MICU1: variants seen among roughly 807,000 people sequenced by gnomAD.
MICU1 encodes calcium uptake protein 1, mitochondrial.
In MICU1, 45 loss-of-function variants were observed where a neutral mutation model predicts 56.8. The observed-to-expected ratio is 0.79, with a 90% CI of 0.62 to 1.02. The LOEUF is 1.02. Ranked by LOEUF, MICU1 falls within the 50% of genes least tolerant of loss-of-function variation. MICU1 has a pLI of 0.00. For missense variants in MICU1, 504 were observed against 587.1 expected (o/e 0.86, Z 1.46); for synonymous variants, 186 against 195.1 (o/e 0.95, Z 0.39).
chr10:72,501,110 A>G (rs919466154), intron 6 of MICU1, among the ~76,000 whole-genome samples: 2 of 152,144 alleles, frequency 1.3e-5, no homozygotes, highest in African/African-American at 4.8e-5. Flanking sequence ...TTTATTAATG[A>G]GTAGTTATCT....
chr10:72,601,332 G>A (rs1841526909), intron 1 of MICU1, among the ~76,000 whole-genome samples: 1 of 151,478 alleles, frequency 6.6e-6, no homozygotes, highest in Non-Finnish European at 1.5e-5. Context: ...GCTGAGGTGG[G>A]ACGATCACTT....
intron 1 of MICU1, among the ~76,000 whole-genome samples, chr10:72,625,698 T>C (rs1842211007): frequency 6.6e-6 from 1 of 152,042 alleles, no homozygotes; most frequent in South Asian, 2.1e-4. Flanking sequence ...CAGTCGCCTG[T>C]GAGGAGGGGG....
At chr10:72,441,258 A>G (rs1267362528) in intron 8 of MICU1, among the ~76,000 whole-genome samples, 1 of 152,122 alleles carries the variant, frequency 6.6e-6, no homozygotes, top group Non-Finnish European at 1.5e-5. Context: ...AGGGACATGG[A>G]TGAAGCTGGA....
chr10:72,418,166 A>G (rs555687085), intron 9 of MICU1, among the ~76,000 whole-genome samples: 2 of 152,320 alleles, frequency 1.3e-5, no homozygotes, highest in South Asian at 4.1e-4. Context: ...CTCCCAGGAC[A>G]TATGGGGATT....
At chr10:72,573,039 A>G (rs1345194098) in intron 1 of MICU1, among the ~76,000 whole-genome samples, 3 of 152,134 alleles carry the variant, frequency 2.0e-5, no homozygotes, top group Non-Finnish European at 4.4e-5. Context: ...ATAGCAAAAC[A>G]CTAAGAACTA....
chr10:72,586,516 G>T (rs1186485721), intron 1 of MICU1, among the ~76,000 whole-genome samples: 2 of 152,030 alleles, frequency 1.3e-5, no homozygotes, highest in Non-Finnish European at 2.9e-5. Flanking sequence ...GCCGGGCATG[G>T]TGGTGCATGC....
chr10:72,529,693 C>G (rs1177444114), intron 5 of MICU1, among the ~76,000 whole-genome samples: 1 of 151,906 alleles, frequency 6.6e-6, no homozygotes, highest in Admixed American at 6.6e-5. Context: ...CTACAAACCA[C>G]TTGAAATAAA....
chr10:72,581,169 G>A (rs1266687138), intron 1 of MICU1, among the ~76,000 whole-genome samples: 1 of 152,114 alleles, frequency 6.6e-6, no homozygotes, highest in Non-Finnish European at 1.5e-5. Flanking sequence ...TACACACTAG[G>A]CAATAGTGCA....
intron 10 of MICU1, among the ~76,000 whole-genome samples, chr10:72,386,799 A>G (rs1862907916): frequency 6.6e-6 from 1 of 152,008 alleles, no homozygotes; most frequent in South Asian, 2.1e-4. Flanking sequence ...TCAGCCTCCC[A>G]AAGTGCTGGG....
chr10:72,606,126 A>T (rs1359989742), intron 1 of MICU1, among the ~76,000 whole-genome samples: 1 of 103,550 alleles, frequency 9.7e-6, no homozygotes, highest in Non-Finnish European at 2.3e-5. Context: ...GTGAGACTCC[A>T]TCTCAAAAAA....
At chr10:72,509,892 GA>G (rs996723193) in intron 5 of MICU1, among the ~76,000 whole-genome samples, 2 of 151,842 alleles carry the variant, frequency 1.3e-5, no homozygotes, top group Admixed American at 6.6e-5. Flanking sequence ...CAAAATAAAA[GA>G]AAAAAATTTG....
chr10:72,622,825 C>A (rs958812892), intron 1 of MICU1, among the ~76,000 whole-genome samples: 1 of 152,112 alleles, frequency 6.6e-6, no homozygotes, highest in Non-Finnish European at 1.5e-5. Flanking sequence ...CCCGTGTTTT[C>A]TTCTCAAACA....
At chr10:72,414,792 C>T (rs112811802) in intron 9 of MICU1, among the ~76,000 whole-genome samples, 3 of 152,120 alleles carry the variant, frequency 2.0e-5, no homozygotes, top group South Asian at 4.2e-4. Flanking sequence ...AGCTGTAAAG[C>T]GAGATATCTA....
intron 4 of MICU1, among the ~76,000 whole-genome samples, chr10:72,546,772 C>A (rs1260544624): frequency 1.3e-5 from 2 of 152,132 alleles, no homozygotes; most frequent in South Asian, 2.1e-4. Flanking sequence ...GTTGCCCAGG[C>A]TGGAGTACAG....
chr10:72,565,867 AG>A (rs1840419799), intron 2 of MICU1, among the ~76,000 whole-genome samples: 1 of 152,020 alleles, frequency 6.6e-6, no homozygotes, highest in African/African-American at 2.4e-5. Flanking sequence ...TCAGAAAAAC[AG>A]TAACTATGTA....
intron 4 of MICU1, among the ~76,000 whole-genome samples, chr10:72,539,970 C>T (rs1839729933): frequency 6.6e-6 from 1 of 152,022 alleles, no homozygotes; most frequent in Non-Finnish European, 1.5e-5. Flanking sequence ...CAGGTATATG[C>T]TGAAAATAAC....
intron 9 of MICU1, among the ~76,000 whole-genome samples, chr10:72,421,780 G>T (rs1864183304): frequency 6.6e-6 from 1 of 152,170 alleles, no homozygotes; most frequent in African/African-American, 2.4e-5. Context: ...AAAACAGCCA[G>T]AGTTGTCTCT....
At chr10:72,597,714 T>C (rs1003709214) in intron 1 of MICU1, among the ~76,000 whole-genome samples, 1 of 152,216 alleles carries the variant, frequency 6.6e-6, no homozygotes, top group East Asian at 1.9e-4. Flanking sequence ...CTGAAGGTTA[T>C]TTTATACAAC....
At chr10:72,399,326 G>C (rs186507498) in intron 10 of MICU1, among the ~76,000 whole-genome samples, 180 of 152,182 alleles carry the variant, frequency 1.2e-3, no homozygotes, top group Admixed American at 3.1e-3. Flanking sequence ...GTCGGGGGCT[G>C]GGGGAGGGAT....
Sources: allele counts gnomAD v4.1 joint callset (sites outside exome capture counted in the v4.1 genomes callset), GRCh38; gene constraint gnomAD v4.1.1; transcripts MANE v1.5; gene names NCBI Gene and HGNC (gene_info 2026-07-23, HGNC 2026-07-21).